The following LYPD6 variants were observed in gnomAD, a reference collection of about 807,000 sequenced individuals.
LYPD6 encodes LY6/PLAUR domain containing 6.
A neutral mutation model predicts 22.7 loss-of-function variants in LYPD6; 15 were observed. The ratio of observed to expected loss-of-function variants is 0.66; its 90% CI spans 0.44 to 1.02. The LOEUF (loss-of-function observed/expected upper bound fraction) is 1.02, where lower values mean the gene tolerates loss of function less well. Ranked by LOEUF, LYPD6 falls within the 50% of genes least tolerant of loss-of-function variation. The probability of loss-of-function intolerance (pLI) is 0.00; values close to 1 mark genes in which losing one functional copy is unlikely to be tolerated. For missense variants in LYPD6, 189 were observed against 208.4 expected (o/e 0.91, Z 0.57); for synonymous variants, 72 against 77.5 (o/e 0.93, Z 0.37).
At chr2:149,344,398 T>C (rs1336415831) in intron 1 of LYPD6, among the ~76,000 whole-genome samples, 1 of 152,218 alleles carries the variant, frequency 6.6e-6, no homozygotes, top group Non-Finnish European at 1.5e-5. Context: ...CCAAGTGCTG[T>C]ACACCCTGCC....
Position 149,470,890 on chromosome 2 carries a change from A to T in LYPD6, c.*40A>T. On this transcript the variant is annotated 3_prime_UTR_variant, in exon 5 of 5. Coordinates refer to ENST00000334166, the MANE Select transcript of LYPD6 (RefSeq NM_194317.5). ...CATGTGTTAATAGCGATCCATGGGG[A>T]TCTCGATGGTCCACAGACCTGCATG... 1 of 1,569,846 alleles carries T rather than the reference A, an allele frequency of 6.4e-7. No homozygotes were observed. The highest frequency in any genetic ancestry group is 1.1e-5 in the South Asian group (1 of 87,724).
intron 1 of LYPD6, among the ~76,000 whole-genome samples, chr2:149,414,081 A>T (rs7556735): frequency 0.27 from 41,151 of 152,098 alleles, 6,797 homozygotes; most frequent in African/African-American, 0.47. Context: ...ATATTTTTAC[A>T]AATTTATGTA....
chr2:149,466,676 T>C lies in LYPD6; in HGVS notation c.218-1969T>C, dbSNP rs554206410. 7.9e-5 allele frequency among the ~76,000 whole-genome samples: 12 copies of C among 152,310 alleles called. No individual in the cohort carries two copies. The East Asian group carries it at 1.2e-3, about 15-fold the overall frequency. On this transcript the variant is annotated intron_variant, in intron 3 of 4. Coordinates refer to ENST00000334166, the MANE Select transcript of LYPD6 (RefSeq NM_194317.5). ...GAAGTAGTCATATCAAGTTCACCAA[T>C]TGTTATTTTAAGGCTTACTTAAAAC... is the stretch of plus-strand genomic sequence containing the variant.
At chr2:149,406,715 G>C (rs373233788) in intron 1 of LYPD6, among the ~76,000 whole-genome samples, 39,971 of 151,158 alleles carry the variant, frequency 0.26, 5,936 homozygotes, top group African/African-American at 0.42. Flanking sequence ...TTTAATTGGA[G>C]CATTTAGTCC....
intron 1 of LYPD6, among the ~76,000 whole-genome samples, chr2:149,430,931 C>T (rs1683298720): frequency 1.3e-5 from 2 of 152,188 alleles, no homozygotes; most frequent in Admixed American, 1.3e-4. Flanking sequence ...TTTATATTGT[C>T]TAGTACCATC....
chr2:149,375,519 C>T (rs979286767), intron 1 of LYPD6, among the ~76,000 whole-genome samples: 20 of 152,124 alleles, frequency 1.3e-4, no homozygotes, highest in African/African-American at 4.8e-4. Context: ...ACCCTGAAAT[C>T]CCAGTGGTCT....
chr2:149,368,539 TAAAAAA>T (rs1024887962), intron 1 of LYPD6, among the ~76,000 whole-genome samples: 24 of 151,790 alleles, frequency 1.6e-4, no homozygotes, highest in Non-Finnish European at 2.1e-4. Flanking sequence ...TCTCTACAAA[TAAAAAA>T]TAAAAAGATG....
At chr2:149,408,846 T>C (rs1262727558) in intron 1 of LYPD6, among the ~76,000 whole-genome samples, 2 of 152,218 alleles carry the variant, frequency 1.3e-5, no homozygotes, top group Non-Finnish European at 2.9e-5. Flanking sequence ...TAAGTGGGAC[T>C]TTGCCTTTCT....
chr2:149,422,104 A>G (rs1294455687), intron 1 of LYPD6, among the ~76,000 whole-genome samples: 2 of 152,190 alleles, frequency 1.3e-5, no homozygotes, highest in Non-Finnish European at 2.9e-5. Context: ...CTTGACCCAG[A>G]TGAGTAACCA....
chr2:149,379,869 C>T (rs1682020081), intron 1 of LYPD6, among the ~76,000 whole-genome samples: 1 of 152,060 alleles, frequency 6.6e-6, no homozygotes, highest in Non-Finnish European at 1.5e-5. Flanking sequence ...CTTCAATCTG[C>T]AGCATGGGTG....
chr2:149,482,535 G>A, the LYPD6 span, among the ~76,000 whole-genome samples: 1 of 152,176 alleles, frequency 6.6e-6, no homozygotes, highest in Non-Finnish European at 1.5e-5. Flanking sequence ...CCAGGAGTCA[G>A]ACCTGTCCTT....
chr2:149,429,435 G>A (rs1292727638), intron 1 of LYPD6, among the ~76,000 whole-genome samples: 2 of 152,222 alleles, frequency 1.3e-5, no homozygotes, highest in Non-Finnish European at 2.9e-5. Flanking sequence ...AGGTGAGACA[G>A]TAAAATGCTT....
intron 1 of LYPD6, among the ~76,000 whole-genome samples, chr2:149,373,885 A>G (rs1681863355): frequency 6.6e-6 from 1 of 152,178 alleles, no homozygotes; most frequent in Non-Finnish European, 1.5e-5. Flanking sequence ...TTCTTTAGCT[A>G]TTTTAGTGAA....
chr2:149,346,775 A>G (rs1038763589), intron 1 of LYPD6, among the ~76,000 whole-genome samples: 1 of 152,162 alleles, frequency 6.6e-6, no homozygotes, highest in Admixed American at 6.5e-5. Flanking sequence ...ATCTCGGCTC[A>G]CTGCAACCTC....
chr2:149,479,893 A>G, the LYPD6 span, among the ~76,000 whole-genome samples: 5 of 152,116 alleles, frequency 3.3e-5, no homozygotes, highest in African/African-American at 1.2e-4. Flanking sequence ...GTGGAAAACA[A>G]TGCCCTCTCT....
intron 1 of LYPD6, chr2:149,367,557 A>T (rs1573745696): frequency 6.6e-6 from 1 of 152,194 alleles, no homozygotes; most frequent in Non-Finnish European, 1.5e-5. Flanking sequence ...GGCCAAGGAG[A>T]TATGTGACTC....
chr2:149,349,908 T>C (rs1331483622), intron 1 of LYPD6, among the ~76,000 whole-genome samples: 6 of 152,182 alleles, frequency 3.9e-5, no homozygotes, highest in Non-Finnish European at 8.8e-5. Context: ...TTTCTCTTGT[T>C]CTTAGATTTT....
At chr2:149,414,991 A>G (rs772698502) in intron 1 of LYPD6, among the ~76,000 whole-genome samples, 4 of 152,322 alleles carry the variant, frequency 2.6e-5, no homozygotes, top group Admixed American at 6.5e-5. Flanking sequence ...CAATAAAAGT[A>G]CAGACTTCTG....
intron 1 of LYPD6, among the ~76,000 whole-genome samples, chr2:149,338,457 C>A (rs191673039): frequency 6.4e-4 from 98 of 152,250 alleles, no homozygotes; most frequent in Admixed American, 1.9e-3. Flanking sequence ...GGAACATAAT[C>A]CCCAATGTAA....
Sources: allele counts gnomAD v4.1 joint callset (sites outside exome capture counted in the v4.1 genomes callset), GRCh38; gene constraint gnomAD v4.1.1; transcripts MANE v1.5; gene names NCBI Gene and HGNC (gene_info 2026-07-23, HGNC 2026-07-21).